C17orf99: variants seen among roughly 807,000 people sequenced by gnomAD.
C17orf99 encodes chromosome 17 open reading frame 99.
C17orf99 carries 18 observed loss-of-function variants against 22.6 expected under a neutral mutation model. That is an observed-to-expected ratio of 0.80 (90% CI 0.55 to 1.18). The LOEUF is 1.18. Among genes scored for constraint, C17orf99 ranks in the 50% most tolerant of loss-of-function variants. The pLI, the probability that C17orf99 is intolerant of heterozygous loss-of-function variation, is 0.00. For synonymous variants in C17orf99, 147 were observed against 136.6 expected, an observed-to-expected ratio of 1.08 and a Z score of -0.53; for missense variants, 328 against 342.7, an observed-to-expected ratio of 0.96 and a Z score of 0.34.
chr17:78,164,071 T>TGCTACCTTCTCCCACCCTGCCAGA, intron 3 of C17orf99, 24 bp from the exon 4 acceptor site: 1 of 1,543,986 alleles, frequency 6.5e-7, no homozygotes, highest in Non-Finnish European at 8.8e-7. Context: ...GCCATGCCTG[T>TGCTACCTTCTCCCACCCTGCCAGA]GCTACCTTCT....
At chr17:78,150,890 A>G (rs1242604432) in intron 2 of C17orf99, among the ~76,000 whole-genome samples, 1 of 152,196 alleles carries the variant, frequency 6.6e-6, no homozygotes, top group Admixed American at 6.6e-5. Flanking sequence ...TGGGAGGCCG[A>G]GGTAGGCGGA....
intron 2 of C17orf99, among the ~76,000 whole-genome samples, chr17:78,151,187 G>T (rs1445483913): frequency 6.6e-6 from 1 of 151,604 alleles, no homozygotes; most frequent in Admixed American, 6.6e-5. Flanking sequence ...CACTTTGGGA[G>T]GCCGAGGTGG....
intron 3 of C17orf99, 59 bp downstream of exon 3, chr17:78,161,313 G>A: frequency 2.8e-6 from 4 of 1,416,580 alleles, no homozygotes; most frequent in Non-Finnish European, 3.9e-6. Flanking sequence ...TCAATGGGGA[G>A]CTCTGGGAGT....
Position 78,164,146 on chromosome 17 carries a change from GC to G in C17orf99, c.426del (p.Arg143GlyfsTer4). On this transcript the variant is annotated frameshift_variant, in exon 4 of 5. Coordinates refer to ENST00000340363, the MANE Select transcript of C17orf99 (RefSeq NM_001163075.2). LOFTEE classifies it high-confidence loss of function. ...TTCACTCTGCAGGACAGAGGGGCAG[GC>G]CCCAGGGTGGAGATGATCTGCCAGG... ...ANFTLQDRGA[G>X]PRVEMICQAS... 1 of 1,551,630 alleles carries G rather than the reference GC, an allele frequency of 6.4e-7. No individual in the cohort carries two copies. Among genetic ancestry groups the G allele is most frequent in the Non-Finnish European group, 8.7e-7 (1 of 1,146,996 alleles).
chr17:78,165,007 G>T (rs1598955203), intron 4 of C17orf99: 2 of 1,086,668 alleles, frequency 1.8e-6, no homozygotes, highest in East Asian at 2.0e-4. Flanking sequence ...GGAGACCAAG[G>T]TGGACCAGGA....
Position 78,146,859 on chromosome 17 carries a change from C to A in C17orf99, c.38-20C>A. 1 of 1,551,088 alleles carries A rather than the reference C, an allele frequency of 6.4e-7. No individual in the cohort carries two copies. ...CCTCCACACCAGGCCCTCTCCTTAT[C>A]GCCCTTACCTCTCTTACAGCTGCCA... On this transcript the variant is annotated intron_variant, in intron 1 of 4. Transcript: ENST00000340363. The surrounding 1 kb of genome is among the most constrained non-coding windows in gnomAD (Gnocchi z 5.2).
chr17:78,157,916 C>G, intron 2 of C17orf99: 2 of 1,152,254 alleles, frequency 1.7e-6, no homozygotes, highest in Non-Finnish European at 2.6e-6. Context: ...CAAGGTCCAC[C>G]TGGTTGGTAC....
chr17:78,155,540 C>T (rs1267773971), intron 2 of C17orf99, among the ~76,000 whole-genome samples: 2 of 152,192 alleles, frequency 1.3e-5, no homozygotes, highest in African/African-American at 2.4e-5. Context: ...TGGTCTGGAA[C>T]CCCTGGGCTT....
At chr17:78,150,812 C>G (rs1354127714) in intron 2 of C17orf99, among the ~76,000 whole-genome samples, 3 of 152,094 alleles carry the variant, frequency 2.0e-5, no homozygotes, top group Non-Finnish European at 4.4e-5. Context: ...TTGATTCCGG[C>G]TGAGCCTACA....
At chr17:78,165,699 G>T (rs2075612140) in intron 4 of C17orf99, 190 bp from the exon 5 acceptor site, 1 of 984,248 alleles carries the variant, frequency 1.0e-6, no homozygotes, top group Non-Finnish European at 1.3e-6. Flanking sequence ...CTACTCGGGA[G>T]ACTGAGGCAG....
In C17orf99 at chr17:78,146,864, T is replaced by C. The variant is rs1417261553; in HGVS notation, c.38-15T>C. 1.3e-6 allele frequency: 2 copies of C among 1,551,120 alleles called. No individual in the cohort carries two copies. The highest frequency in any genetic ancestry group is 8.7e-7 in the Non-Finnish European group (1 of 1,146,696). ...ACACCAGGCCCTCTCCTTATCGCCC[T>C]TACCTCTCTTACAGCTGCCAGCAGC... On this transcript the variant is annotated splice_polypyrimidine_tract_variant and intron_variant, in intron 1 of 4. Coordinates refer to ENST00000340363, the MANE Select transcript of C17orf99 (RefSeq NM_001163075.2). The surrounding 1 kb of genome is among the most constrained non-coding windows in gnomAD (Gnocchi z 5.2).
chr17:78,154,822 A>G (rs2075512861), intron 2 of C17orf99, among the ~76,000 whole-genome samples: 1 of 152,162 alleles, frequency 6.6e-6, no homozygotes, highest in South Asian at 2.1e-4. Flanking sequence ...AGCCTGGGTA[A>G]CAGAGTGAGA....
intron 3 of C17orf99, among the ~76,000 whole-genome samples, chr17:78,163,065 G>A (rs897690927): frequency 6.6e-5 from 10 of 152,194 alleles, no homozygotes; most frequent in South Asian, 2.1e-4. Context: ...GATTATAGGC[G>A]TGAGCCACTG....
chr17:78,155,571 C>T (rs537281741), intron 2 of C17orf99, among the ~76,000 whole-genome samples: 6 of 152,244 alleles, frequency 3.9e-5, no homozygotes, highest in Admixed American at 3.9e-4. Flanking sequence ...CCCGCCTTGG[C>T]CTCCCAAAGT....
At chr17:78,164,781 G>A in intron 4 of C17orf99, 1 of 1,266,222 alleles carries the variant, frequency 7.9e-7, no homozygotes, top group African/African-American at 1.6e-5. Flanking sequence ...CTGTGGCCAG[G>A]GCAAAGAGCG....
At chr17:78,147,878 C>T (rs958418395) in intron 2 of C17orf99, among the ~76,000 whole-genome samples, 6 of 152,216 alleles carry the variant, frequency 3.9e-5, no homozygotes, top group African/African-American at 1.4e-4. Context: ...CCGCCTCCCC[C>T]TCTTGGCTGG....
At chr17:78,147,640 C>A (rs1293213542) in intron 2 of C17orf99, among the ~76,000 whole-genome samples, 1 of 152,194 alleles carries the variant, frequency 6.6e-6, no homozygotes, top group Non-Finnish European at 1.5e-5. Context: ...ATTGTCCCAA[C>A]TAACCCTTGC....
intron 2 of C17orf99, among the ~76,000 whole-genome samples, chr17:78,151,005 C>T (rs1159441235): frequency 6.6e-6 from 1 of 151,900 alleles, no homozygotes; most frequent in Admixed American, 6.6e-5. Flanking sequence ...CGCCTGTAAT[C>T]CCAGCTACTC....
Position 78,165,675 on chromosome 17 carries a change from A to G in C17orf99, c.641-214A>G. On this transcript the variant is annotated intron_variant, in intron 4 of 4. Transcript: ENST00000340363. ...AAATTAGCCGGGCGTGGTGGTGCGC[A>G]CCTGTAGTCCCAGCTACTCGGGAGA... 3 of 903,926 alleles carry G rather than the reference A, an allele frequency of 3.3e-6. No individual in the cohort carries two copies. In the South Asian group the frequency reaches 1.7e-4, roughly 50 times the overall value. The allele number at this position is 903,926 out of a possible 1,614,324, so 56.0% of individuals were successfully genotyped here.
Sources: allele counts gnomAD v4.1 joint callset (sites outside exome capture counted in the v4.1 genomes callset), GRCh38; gene constraint gnomAD v4.1.1; non-coding constraint Gnocchi (gnomAD v3.1); transcripts MANE v1.5; gene names NCBI Gene and HGNC (gene_info 2026-07-23, HGNC 2026-07-21).